OLA1: variants seen among roughly 807,000 people sequenced by gnomAD.
OLA1 encodes obg-like ATPase 1.
Under a neutral mutation model 48.4 loss-of-function variants are expected in OLA1, and 14 were observed. The observed-to-expected ratio is 0.29, with a 90% CI of 0.19 to 0.45. OLA1 has a LOEUF of 0.45. OLA1 is among the 20% of genes least tolerant of loss of function. OLA1 has a pLI of 1.00. For synonymous variants in OLA1, 127 were observed against 150.4 expected (o/e 0.84, Z 1.14); for missense variants, 325 against 467.1 (o/e 0.70, Z 2.80).
chr2:174,161,681 TACACAC>T (rs55713860), intron 4 of OLA1, among the ~76,000 whole-genome samples: 40,822 of 140,976 alleles, frequency 0.29, 5,843 homozygotes, highest in Non-Finnish European at 0.34. Flanking sequence ...AAAAAAAAAA[TACACAC>T]ACACACACAC....
At chr2:174,191,308 AG>A (rs67108700) in intron 4 of OLA1, among the ~76,000 whole-genome samples, 18,341 of 152,160 alleles carry the variant, frequency 0.12, 1,732 homozygotes, top group African/African-American at 0.26. Flanking sequence ...AAGACAGAAC[AG>A]CTTCAGCGTA....
At chr2:174,185,450 A>C (rs1687637324) in intron 4 of OLA1, among the ~76,000 whole-genome samples, 1 of 152,250 alleles carries the variant, frequency 6.6e-6, no homozygotes, top group South Asian at 2.1e-4. Context: ...AATCATCTAG[A>C]AATCTATAAA....
At position 174,128,358 on chromosome 2, in the gene OLA1, G is replaced by A. The variant is rs146440286; in HGVS notation, c.550-4683C>T. Among the ~76,000 whole-genome samples, 828 of 151,752 alleles carry A rather than the reference G, an allele frequency of 5.5e-3. 3 individuals are homozygous for A. The highest frequency in any genetic ancestry group is 9.7e-3 in the Non-Finnish European group (662 of 67,944). On this transcript the variant is annotated intron_variant, in intron 5 of 10. Transcript: ENST00000284719. ...TGAGGCTGCAGCAAACTACGATCACGCCATGCACTCCAGCCTGGGTGACAG... is the reference window on the plus strand; with the variant it reads ...TGAGGCTGCAGCAAACTACGATCACACCATGCACTCCAGCCTGGGTGACAG...
intron 4 of OLA1, among the ~76,000 whole-genome samples, chr2:174,207,339 A>T (rs1688139867): frequency 6.6e-6 from 1 of 152,244 alleles, no homozygotes; most frequent in Non-Finnish European, 1.5e-5. Context: ...AGCCCTGAGC[A>T]ATTTAAACAT....
chr2:174,215,754 TA>T (rs1453289440), intron 4 of OLA1, among the ~76,000 whole-genome samples: 1 of 152,178 alleles, frequency 6.6e-6, no homozygotes, highest in Non-Finnish European at 1.5e-5. Flanking sequence ...AAATGCCATA[TA>T]AAATCATAAC....
At chr2:174,205,219 AG>A (rs1688082714) in intron 4 of OLA1, among the ~76,000 whole-genome samples, 4 of 152,238 alleles carry the variant, frequency 2.6e-5, no homozygotes, top group African/African-American at 9.6e-5. Context: ...ATTTCAATTT[AG>A]AGTTCTTTCC....
intron 4 of OLA1, among the ~76,000 whole-genome samples, chr2:174,220,996 C>T (rs116797099): frequency 1.9e-3 from 290 of 152,228 alleles, no homozygotes; most frequent in African/African-American, 6.6e-3. Context: ...CTAATCTCTA[C>T]AAGTCTTTTT....
intron 7 of OLA1, among the ~76,000 whole-genome samples, chr2:174,100,364 G>C (rs1019948524): frequency 6.6e-6 from 1 of 152,102 alleles, no homozygotes; most frequent in Non-Finnish European, 1.5e-5. Flanking sequence ...TAGGTATTTT[G>C]TATGTATATT....
chr2:174,238,494 CAAAAAAAAAA>C lies in OLA1; in HGVS notation c.101+8211_101+8220del, dbSNP rs34395720. On this transcript the variant is annotated intron_variant, in intron 2 of 10. Transcript: ENST00000284719. ...GGGCAACAGAGTGAGACTCTATGTC[CAAAAAAAAAA>C]AAAAAAAAAGAGAAAAAACACCAAT... Among the ~76,000 whole-genome samples the C allele has an allele frequency of 6.2e-3, 666 of 106,680 alleles. 3 individuals are homozygous for C. Among genetic ancestry groups the C allele is most frequent in the Non-Finnish European group, 9.1e-3 (476 of 52,038 alleles). The allele number at this position is 106,680 out of a possible 152,430, so 70.0% of individuals were successfully genotyped here. A position where few individuals can be genotyped will look rare whatever the true frequency, so the allele number is the denominator to read the frequency against.
intron 7 of OLA1, among the ~76,000 whole-genome samples, chr2:174,115,654 C>A (rs1685764273): frequency 6.6e-6 from 1 of 152,284 alleles, no homozygotes; most frequent in East Asian, 1.9e-4. Context: ...CCTTCTCCAA[C>A]TTCAATTCCT....
At chr2:174,142,944 T>C (rs1024712403) in intron 4 of OLA1, among the ~76,000 whole-genome samples, 2 of 152,202 alleles carry the variant, frequency 1.3e-5, no homozygotes, top group African/African-American at 2.4e-5. Flanking sequence ...CAAAATGAGA[T>C]GTTTTCAAAC....
At chr2:174,088,088 C>T (rs1266807669) in intron 7 of OLA1, among the ~76,000 whole-genome samples, 1 of 152,192 alleles carries the variant, frequency 6.6e-6, no homozygotes, top group Non-Finnish European at 1.5e-5. Flanking sequence ...TCAAGAACCA[C>T]ATCTCAATAT....
intron 2 of OLA1, among the ~76,000 whole-genome samples, chr2:174,242,349 C>T (rs767505988): frequency 1.3e-5 from 2 of 152,198 alleles, no homozygotes. Flanking sequence ...AGGGCCTGCG[C>T]TCCTCTGAGA....
At chr2:174,118,689 A>G (rs1685840394) in intron 7 of OLA1, among the ~76,000 whole-genome samples, 1 of 152,236 alleles carries the variant, frequency 6.6e-6, no homozygotes, top group African/African-American at 2.4e-5. Context: ...AAGTCCTGAC[A>G]TATTTGATAA....
intron 4 of OLA1, among the ~76,000 whole-genome samples, chr2:174,201,748 T>A (rs1295355149): frequency 6.6e-6 from 1 of 152,136 alleles, no homozygotes; most frequent in Non-Finnish European, 1.5e-5. Context: ...CCTCAATAAA[T>A]AAAGCCTCTC....
At chr2:174,103,175 TCATGTGTA>T (rs1263835756) in intron 7 of OLA1, among the ~76,000 whole-genome samples, 82 of 145,518 alleles carry the variant, frequency 5.6e-4, no homozygotes, top group African/African-American at 2.0e-3. Flanking sequence ...AGATATATAA[TCATGTGTA>T]CATGTGTATC....
chr2:174,108,390 T>C (rs942662974), intron 7 of OLA1, among the ~76,000 whole-genome samples: 3 of 152,156 alleles, frequency 2.0e-5, no homozygotes, highest in African/African-American at 7.2e-5. Flanking sequence ...AAACCTTTGA[T>C]GAAAGTCTGT....
chr2:174,111,471 G>A (rs143072897), intron 7 of OLA1, among the ~76,000 whole-genome samples: 1 of 152,112 alleles, frequency 6.6e-6, no homozygotes, highest in Non-Finnish European at 1.5e-5. Context: ...GCCTTCCAAG[G>A]TTGTTATGGG....
intron 4 of OLA1, among the ~76,000 whole-genome samples, chr2:174,163,320 G>A (rs1687057326): frequency 6.6e-6 from 1 of 152,118 alleles, no homozygotes; most frequent in Non-Finnish European, 1.5e-5. Flanking sequence ...AAGAAGAGAA[G>A]TACTTCCAGA....
Sources: allele counts gnomAD v4.1 joint callset (sites outside exome capture counted in the v4.1 genomes callset), GRCh38; gene constraint gnomAD v4.1.1; transcripts MANE v1.5; gene names NCBI Gene and HGNC (gene_info 2026-07-23, HGNC 2026-07-21).